The following FCRL3 variants were observed in gnomAD, a reference collection of about 807,000 sequenced individuals.
FCRL3 encodes Fc receptor-like protein 3.
In FCRL3, 89 loss-of-function variants were observed where a neutral mutation model predicts 75.0. The observed-to-expected ratio is 1.19, with a 90% confidence interval of 1.00 to 1.42. The LOEUF is 1.42. FCRL3 is among the 40% of genes most tolerant of loss of function. FCRL3 has a pLI of 0.00. For synonymous variants in FCRL3, 376 were observed against 348.5 expected (o/e 1.08, Z -0.88); for missense variants, 946 against 880.0 (o/e 1.07, Z -0.95).
intron 7 of FCRL3, 44 bp downstream of exon 7, chr1:157,695,993 AACC>A: frequency 6.6e-7 from 1 of 1,526,344 alleles, no homozygotes; most frequent in South Asian, 1.2e-5. Flanking sequence ...AGAGAACCTA[AACC>A]CTGGCTTGCA....
Position 157,678,378 on chromosome 1 carries a change from C to G in FCRL3, c.*332G>C. 2.6e-6 allele frequency: 3 copies of G among 1,139,948 alleles called. No individual in the cohort carries two copies. Among genetic ancestry groups the G allele is most frequent in the Non-Finnish European group, 3.2e-6 (3 of 924,654 alleles). 70.6% of individuals were successfully genotyped at this position (1,139,948 alleles called of 1,614,324 possible). A position where few individuals can be genotyped will look rare whatever the true frequency, so the allele number is the denominator to read the frequency against. ...TAACAGCTTTCGATCACACTTGGATCAAATGGTCATGATTGTGCCCTTGTA... is the reference window on the plus strand; with the variant it reads ...TAACAGCTTTCGATCACACTTGGATGAAATGGTCATGATTGTGCCCTTGTA... On this transcript the variant is annotated 3_prime_UTR_variant, in exon 15 of 15. Transcript: ENST00000368184.
chr1:157,698,623 G>T lies in FCRL3; in HGVS notation c.59C>A (p.Ala20Asp). The change falls in exon 4 of 15, where the codon GCC becomes GAC. Residue 20 changes from alanine to aspartate, a missense_variant. Physicochemically the swap from Ala to Asp is moderately radical, Grantham distance 126 (BLOSUM62 -2). Coordinates refer to ENST00000368184, the MANE Select transcript of FCRL3 (RefSeq NM_052939.4). ...ATTGAGGAGAAGTACAGCTTTTGGGGCCACCCCTAAACAGGAAATAGAAAG... is the reference window on the plus strand; with the variant it reads ...ATTGAGGAGAAGTACAGCTTTTGGGTCCACCCCTAAACAGGAAATAGAAAG... ...LTPGREQSGV[A>D]PKAVLLLNPP... is the part of the protein sequence containing the mutation. 1 of 1,614,000 alleles carries T rather than the reference G, an allele frequency of 6.2e-7. No homozygotes were observed. Among genetic ancestry groups the T allele is most frequent in the Non-Finnish European group, 8.5e-7 (1 of 1,179,868 alleles).
intron 8 of FCRL3, among the ~76,000 whole-genome samples, chr1:157,692,550 T>G (rs1655618275): frequency 6.6e-6 from 1 of 152,244 alleles, no homozygotes; most frequent in Admixed American, 6.5e-5. Context: ...CATAAAAGAT[T>G]TACAATGCTT....
Position 157,676,566 on chromosome 1 carries a change from A to T in FCRL3, c.*2144T>A, listed in dbSNP as rs1422218009. The T allele has an allele frequency of 5.6e-6, 4 of 717,576 alleles. No individual in the cohort carries two copies. The Admixed American group carries it at 1.2e-4, about 21-fold the overall frequency. 44.5% of individuals were successfully genotyped at this position (717,576 alleles called of 1,614,324 possible). On this transcript the variant is annotated 3_prime_UTR_variant, in exon 15 of 15. Coordinates refer to ENST00000368184, the MANE Select transcript of FCRL3 (RefSeq NM_052939.4). ...CTGGGCTATGGGTTTTTAGTTGTGA[A>T]TTCAAAGATAAAAGTCAAGTAGAGC...
intron 8 of FCRL3, chr1:157,691,786 C>T (rs561774586): frequency 6.6e-6 from 1 of 152,290 alleles, no homozygotes; most frequent in African/African-American, 2.4e-5. Context: ...CTTGCATCCC[C>T]TCCTCTAGGG....
Position 157,676,865 on chromosome 1 carries a change from C to A in FCRL3, c.*1845G>T, listed in dbSNP as rs1654489390. 2 of 1,529,262 alleles carry A rather than the reference C, an allele frequency of 1.3e-6. No individual in the cohort carries two copies. The highest frequency in any genetic ancestry group is 2.0e-5 in the Admixed American group (1 of 49,856). The allele number at this position is 1,529,262 out of a possible 1,614,324, so 94.7% of individuals were successfully genotyped here. On this transcript the variant is annotated 3_prime_UTR_variant, in exon 15 of 15. Coordinates refer to ENST00000368184, the MANE Select transcript of FCRL3 (RefSeq NM_052939.4). ...GCTTGGCAAGGTAATTCCAAATCAGCAGCAGGGTTAGAAAGGAGGAGAGCC... is the reference window on the plus strand; with the variant it reads ...GCTTGGCAAGGTAATTCCAAATCAGAAGCAGGGTTAGAAAGGAGGAGAGCC...
In FCRL3 at chr1:157,690,433, G is replaced by A; in HGVS notation, c.1512C>T (p.Phe504=). ...ELHCESLRGS[F]PILYWFYHED... is the part of the protein sequence containing the mutation. Reference sequence around the variant, plus strand: ...CGTGATAAAACCAGTACAGGATCGGGAAGGAGCCTCTCAGGGACTCACAGT... The same window carrying A: ...CGTGATAAAACCAGTACAGGATCGGAAAGGAGCCTCTCAGGGACTCACAGT... The change falls in exon 9 of 15, where the codon TTC becomes TTT. Residue 504 remains phenylalanine, a synonymous_variant. Transcript: ENST00000368184. 5 of 1,614,230 alleles carry A rather than the reference G, an allele frequency of 3.1e-6. No individual in the cohort carries two copies. Among genetic ancestry groups the A allele is most frequent in the Non-Finnish European group, 4.2e-6 (5 of 1,180,040 alleles).
At position 157,678,764 on chromosome 1, in the gene FCRL3, A is replaced by T; in HGVS notation, c.2151T>A (p.Asp717Glu). The T allele has an allele frequency of 6.2e-7, 1 of 1,614,014 alleles. No homozygotes were observed. Among genetic ancestry groups the T allele is most frequent in the Non-Finnish European group, 8.5e-7 (1 of 1,179,994 alleles). The stretch of plus-strand genomic sequence containing the variant: ...GTACATTCTCATAGTTTTCTTCATC[A>T]TCTTCTTCATGGGCCCTGCCTCTGC... ...ASSRGRAHEE[D>E]DEENYENVPR... The change falls in exon 15 of 15, where the codon GAT becomes GAA. Residue 717 changes from aspartate (D) to glutamate (E), a missense_variant. Asp to Glu is a conservative substitution (Grantham distance 45). Transcript: ENST00000368184.
chr1:157,696,237 G>A lies in FCRL3; in HGVS notation c.935C>T (p.Ala312Val), dbSNP rs115903952. ...GENMVLICSVAQGSGTVTFSW... is the reference protein window; with the variant it reads ...GENMVLICSVVQGSGTVTFSW... ...GAATGTGACAGTCCCTGAACCCTGG[G>A]CTACTGAGCAAATAAGGACCATATT... Residue 312 changes from alanine (A) to valine (V), a missense_variant, in exon 7 of 15, where the codon GCC (alanine) becomes GTC (valine). Transcript: ENST00000368184. 1.2e-6 allele frequency: 2 copies of A among 1,613,794 alleles called. No homozygotes were observed. The highest frequency in any genetic ancestry group is 2.7e-5 in the African/African-American group (2 of 74,818).
At position 157,680,629 on chromosome 1, in the gene FCRL3, C is replaced by T. The variant is rs1654775428; in HGVS notation, c.2026+73G>A. 8 of 1,293,560 alleles carry T rather than the reference C, an allele frequency of 6.2e-6. 1 individual carries two copies. Among genetic ancestry groups the T allele is most frequent in the South Asian group, 3.7e-5 (3 of 81,630 alleles). The allele number at this position is 1,293,560 out of a possible 1,614,324, so 80.1% of individuals were successfully genotyped here. On this transcript the variant is annotated intron_variant, in intron 13 of 14. Coordinates refer to ENST00000368184, the MANE Select transcript of FCRL3 (RefSeq NM_052939.4). ...TGTTGGGCTTGTATTTGAAATAACT[C>T]TGATCAAAGACCCCTTGCCCGTTTC...
chr1:157,690,502 C>CCTGA lies in FCRL3; in HGVS notation c.1439_1442dup (p.Arg481SerfsTer19). 1 of 1,614,140 alleles carries CCTGA rather than the reference C, an allele frequency of 6.2e-7. No individual in the cohort carries two copies. The highest frequency in any genetic ancestry group is 8.5e-7 in the Non-Finnish European group (1 of 1,180,024). On this transcript the variant is annotated frameshift_variant, in exon 9 of 15. Transcript: ENST00000368184. LOFTEE classifies it high-confidence loss of function. ...CCACCACAGCCTGGGCCCCGGGAGC[C>CCTGA]CTGAGGGTGAGGACGGGGCGAGACA...
At position 157,677,362 on chromosome 1, in the gene FCRL3, T is replaced by A. The variant is rs544721822; in HGVS notation, c.*1348A>T. 1.9e-5 allele frequency: 19 copies of A among 985,954 alleles called. No homozygotes were observed. Among genetic ancestry groups the A allele is most frequent in the East Asian group, 1.1e-4 (1 of 8,828 alleles). 61.1% of individuals were successfully genotyped at this position (985,954 alleles called of 1,614,324 possible). ...CCAAGAAATATTGATTAGAGGAAGA[T>A]GTGGTGCTTTGAAAGGGACTTGGTG... On this transcript the variant is annotated 3_prime_UTR_variant, in exon 15 of 15. Coordinates refer to ENST00000368184, the MANE Select transcript of FCRL3 (RefSeq NM_052939.4).
At position 157,678,522 on chromosome 1, in the gene FCRL3, C is replaced by T. The variant is rs1654605326; in HGVS notation, c.*188G>A. On this transcript the variant is annotated 3_prime_UTR_variant, in exon 15 of 15. Coordinates refer to ENST00000368184, the MANE Select transcript of FCRL3 (RefSeq NM_052939.4). ...AACACAGTGCTTGCTCAGAGGCTGC[C>T]TGCTCTCTTCCTGGGGAACACACAG... 7.0e-7 allele frequency: 1 copy of T among 1,436,954 alleles called. No individual in the cohort carries two copies. The highest frequency in any genetic ancestry group is 1.4e-5 in the African/African-American group (1 of 69,844). 89.0% of individuals were successfully genotyped at this position (1,436,954 alleles called of 1,614,324 possible).
intron 8 of FCRL3, among the ~76,000 whole-genome samples, chr1:157,691,031 GTATGTATC>G (rs891660197): frequency 1.3e-5 from 2 of 151,568 alleles, no homozygotes; most frequent in African/African-American, 4.9e-5. Flanking sequence ...ATGTATGTAT[GTATGTATC>G]TATCTATCAT....
In FCRL3 at chr1:157,698,606, G is replaced by C; in HGVS notation, c.76C>G (p.Leu26Val). The C allele has an allele frequency of 6.2e-7, 1 of 1,614,074 alleles. No homozygotes were observed. The highest frequency in any genetic ancestry group is 8.5e-7 in the Non-Finnish European group (1 of 1,179,908). Residue 26 changes from leucine to valine, a missense_variant, in exon 4 of 15, where the codon CTC (leucine) becomes GTC (valine). Transcript: ENST00000368184. ...QSGVAPKAVL[L>V]LNPPWSTAFK... ...GCTGTGGACCATGGAGGATTGAGGA[G>C]AAGTACAGCTTTTGGGGCCACCCCT...
At chr1:157,684,787 C>T (rs1385857679) in intron 10 of FCRL3, among the ~76,000 whole-genome samples, 1 of 152,120 alleles carries the variant, frequency 6.6e-6, no homozygotes, top group Non-Finnish European at 1.5e-5. Flanking sequence ...AATTTCAACA[C>T]AGCCAGATTT....
At position 157,679,828 on chromosome 1, in the gene FCRL3, CACAAAAAAAAAA is replaced by C. The variant is rs1209051575; in HGVS notation, c.2026+862_2027-856del. Among the ~76,000 whole-genome samples, 106 of 27,920 alleles carry C rather than the reference CACAAAAAAAAAA, an allele frequency of 3.8e-3. 3 individuals are homozygous for C. The highest frequency in any genetic ancestry group is 7.4e-3 in the African/African-American group (98 of 13,248). The allele number at this position is 27,920 out of a possible 152,430, so 18.3% of individuals were successfully genotyped here. A position where few individuals can be genotyped will look rare whatever the true frequency, so the allele number is the denominator to read the frequency against. Reference sequence around the variant, plus strand: ...TGGGCGACAGAACGAGACCCCATCTCACAAAAAAAAAAAAAAAAAAAAAAAAAAAAAATGACA... The same window carrying C: ...TGGGCGACAGAACGAGACCCCATCTCAAAAAAAAAAAAAAAAAAAATGACA... On this transcript the variant is annotated intron_variant, in intron 13 of 14. Transcript: ENST00000368184.
chr1:157,696,054 C>G lies in FCRL3; in HGVS notation c.1118G>C (p.Arg373Pro). The change falls in exon 7 of 15, where the codon CGA (arginine) becomes CCA (proline). Residue 373 changes from arginine (R) to proline (P), a missense_variant. Arg to Pro is a moderately radical substitution (Grantham distance 103, BLOSUM62 -2). Coordinates refer to ENST00000368184, the MANE Select transcript of FCRL3 (RefSeq NM_052939.4). ...VHSPILSTWI[R>P]VTVRIPVSHP... ...TCGGAACTTACTTCTCACGGTGACT[C>G]GAATCCACGTGCTGAGGATGGGGCT... is the stretch of plus-strand genomic sequence containing the variant. 2 of 1,610,048 alleles carry G rather than the reference C, an allele frequency of 1.2e-6. No homozygotes were observed. Among genetic ancestry groups the G allele is most frequent in the Non-Finnish European group, 1.7e-6 (2 of 1,178,166 alleles).
chr1:157,695,134 G>C (rs1397952573), intron 8 of FCRL3, among the ~76,000 whole-genome samples, 195 bp downstream of exon 8: 1 of 152,162 alleles, frequency 6.6e-6, no homozygotes, highest in Non-Finnish European at 1.5e-5. Flanking sequence ...GATAATTACA[G>C]AGGAATTAAA....
Sources: gnomAD v4.1 joint callset for allele counts (sites outside exome capture counted in the v4.1 genomes callset) on GRCh38, gnomAD v4.1.1 for gene constraint, MANE v1.5 for transcripts, NCBI Gene and HGNC (gene_info 2026-07-23, HGNC 2026-07-21) for gene names.